ATXN1L: variants seen among roughly 807,000 people sequenced by gnomAD.
The protein encoded by ATXN1L is ataxin-1-like.
A neutral mutation model predicts 43.4 loss-of-function variants in ATXN1L; 8 were observed. The ratio of observed to expected loss-of-function variants is 0.18; its 90% confidence interval spans 0.11 to 0.33. The LOEUF is 0.33. Ranked by LOEUF, ATXN1L falls within the 10% of genes least tolerant of loss-of-function variation. The pLI is 1.00. For synonymous variants in ATXN1L, 379 were observed against 360.6 expected, an observed-to-expected ratio of 1.05 and a Z score of -0.58; for missense variants, 856 against 885.4, an observed-to-expected ratio of 0.97 and a Z score of 0.42.
In ATXN1L at chr16:71,851,853, C is replaced by T. The variant is rs778384117; in HGVS notation, c.*43C>T. The T allele has an allele frequency of 4.1e-5, 56 of 1,377,258 alleles. No homozygotes were observed. Among genetic ancestry groups the T allele is most frequent in the African/African-American group, 3.5e-4 (24 of 68,752 alleles). The allele number at this position is 1,377,258 out of a possible 1,614,324, so 85.3% of individuals were successfully genotyped here. On this transcript the variant is annotated 3_prime_UTR_variant, in exon 3 of 3. Coordinates refer to ENST00000427980, the MANE Select transcript of ATXN1L (RefSeq NM_001137675.4). This position sits in a 1 kb window ranked among gnomAD's most constrained non-coding sequence, Gnocchi z 4.9. The stretch of plus-strand genomic sequence containing the variant: ...GGACTGGGGCTTTACCCCAGAGCCT[C>T]GCCTCGCCGCCGTGAGCAGGCAGAG...
rs532519799 is a variant in ATXN1L at position 71,851,352 on chromosome 16, G to A, written c.1612G>A (p.Glu538Lys). The change falls in exon 3 of 3, where the codon GAA becomes AAA. Residue 538 changes from glutamate (E) to lysine (K), a missense_variant. Coordinates refer to ENST00000427980, the MANE Select transcript of ATXN1L (RefSeq NM_001137675.4). The surrounding 1 kb of genome is among the most constrained non-coding windows in gnomAD (Gnocchi z 4.9). Reference protein sequence around the residue: ...VGEQQSKVSIEVPPEHPFFVY... With the variant: ...VGEQQSKVSIKVPPEHPFFVY... Reference sequence around the variant, plus strand: ...TGAGCAGCAGAGCAAAGTGAGCATCGAAGTGCCCCCCGAGCACCCCTTCTT... The same window carrying A: ...TGAGCAGCAGAGCAAAGTGAGCATCAAAGTGCCCCCCGAGCACCCCTTCTT... 3.2e-6 allele frequency: 5 copies of A among 1,551,640 alleles called. No individual in the cohort carries two copies. Among genetic ancestry groups the A allele is most frequent in the Admixed American group, 2.0e-5 (1 of 51,002 alleles).
At chr16:71,848,215 T>C (rs2033462837) in intron 2 of ATXN1L, 144 bp downstream of exon 2, 1 of 384,684 alleles carries the variant, frequency 2.6e-6, no homozygotes, top group Non-Finnish European at 5.1e-6. Context: ...GCAAAGTTCA[T>C]GTGCACTGAA....
Position 71,852,196 on chromosome 16 carries a change from G to T in ATXN1L, c.*386G>T, listed in dbSNP as rs2033511393. 5.5e-6 allele frequency: 1 copy of T among 181,966 alleles called. No individual in the cohort carries two copies. The highest frequency in any genetic ancestry group is 1.3e-5 in the Non-Finnish European group (1 of 78,594). The allele number at this position is 181,966 out of a possible 1,614,324, so 11.3% of individuals were successfully genotyped here. A position where few individuals can be genotyped will look rare whatever the true frequency, so the allele number is the denominator to read the frequency against. ...GAGTAAAGAAAGAGCCAAAAATGAT[G>T]ATCCACAGCTTATAGTAGCAGTTAA... is the stretch of plus-strand genomic sequence containing the variant. On this transcript the variant is annotated 3_prime_UTR_variant, in exon 3 of 3. Coordinates refer to ENST00000427980, the MANE Select transcript of ATXN1L (RefSeq NM_001137675.4).
At position 71,851,984 on chromosome 16, in the gene ATXN1L, C is replaced by T. The variant is rs1263582883; in HGVS notation, c.*174C>T. ...AGGCAGGATCTGTTGTTCATTACCCCATGGCATCCTTTCAGGACAACCCCA... is the reference window on the plus strand; with the variant it reads ...AGGCAGGATCTGTTGTTCATTACCCTATGGCATCCTTTCAGGACAACCCCA... On this transcript the variant is annotated 3_prime_UTR_variant, in exon 3 of 3. Transcript: ENST00000427980. This position sits in a 1 kb window ranked among gnomAD's most constrained non-coding sequence, Gnocchi z 4.9. 7.2e-6 allele frequency: 5 copies of T among 696,930 alleles called. No individual in the cohort carries two copies. The African/African-American group carries it at 7.3e-5, about 10-fold the overall frequency. The allele number at this position is 696,930 out of a possible 1,614,324, so 43.2% of individuals were successfully genotyped here.
chr16:71,851,242 G>T lies in ATXN1L; in HGVS notation c.1502G>T (p.Gly501Val). 1.3e-6 allele frequency: 2 copies of T among 1,551,688 alleles called. No homozygotes were observed. Among genetic ancestry groups the T allele is most frequent in the South Asian group, 2.4e-5 (2 of 84,060 alleles). The change falls in exon 3 of 3, where the codon GGG (glycine) becomes GTG (valine). Residue 501 changes from glycine to valine, a missense_variant. Transcript: ENST00000427980. The surrounding 1 kb of genome is among the most constrained non-coding windows in gnomAD (Gnocchi z 4.9). ...TTTGTGCGCAGTGCCGAAGTGAGCG[G>T]GGGGCTGAAGATTGACTCTAGCACG... ...QDFVRSAEVS[G>V]GLKIDSSTVV...
In ATXN1L at chr16:71,851,982, C is replaced by G. The variant is rs576801448; in HGVS notation, c.*172C>G. 1.3e-3 allele frequency: 883 copies of G among 697,226 alleles called. 2 individuals are homozygous for G. The highest frequency in any genetic ancestry group is 1.6e-3 in the Non-Finnish European group (756 of 467,230). 43.2% of individuals were successfully genotyped at this position (697,226 alleles called of 1,614,324 possible). On this transcript the variant is annotated 3_prime_UTR_variant, in exon 3 of 3. Transcript: ENST00000427980. The surrounding 1 kb of genome is among the most constrained non-coding windows in gnomAD (Gnocchi z 4.9). Reference sequence around the variant, plus strand: ...CAAGGCAGGATCTGTTGTTCATTACCCCATGGCATCCTTTCAGGACAACCC... The same window carrying G: ...CAAGGCAGGATCTGTTGTTCATTACGCCATGGCATCCTTTCAGGACAACCC...
In ATXN1L at chr16:71,849,797, C is replaced by T. The variant is rs983324177; in HGVS notation, c.57C>T (p.Leu19=). 1 of 1,547,268 alleles carries T rather than the reference C, an allele frequency of 6.5e-7. No individual in the cohort carries two copies. Among genetic ancestry groups the T allele is most frequent in the Non-Finnish European group, 8.7e-7 (1 of 1,144,638 alleles). The change falls in exon 3 of 3, where the codon CTC becomes CTT. Residue 19 remains leucine (L), a synonymous_variant. Coordinates refer to ENST00000427980, the MANE Select transcript of ATXN1L (RefSeq NM_001137675.4). ...QECLPPKKRD[L]PVTSEDMGRT... The stretch of plus-strand genomic sequence containing the variant: ...GCCTTCCACCAAAGAAACGAGACCT[C>T]CCCGTGACCAGCGAGGATATGGGGA...
At chr16:71,849,215 TTAAAA>T (rs1321318293) in intron 2 of ATXN1L, among the ~76,000 whole-genome samples, 6 of 86,058 alleles carry the variant, frequency 7.0e-5, no homozygotes, top group African/African-American at 2.2e-4. Context: ...TCCATGTGTT[TTAAAA>T]AAAAAAAAAA....
At chr16:71,847,369 A>C (rs541245942) in intron 1 of ATXN1L, among the ~76,000 whole-genome samples, 37 of 152,196 alleles carry the variant, frequency 2.4e-4, no homozygotes, top group African/African-American at 8.7e-4. Context: ...AGTTTCTTTC[A>C]TACCTGATTC....
In ATXN1L at chr16:71,850,029, C is replaced by G; in HGVS notation, c.289C>G (p.Leu97Val). 1 of 1,551,676 alleles carries G rather than the reference C, an allele frequency of 6.4e-7. No homozygotes were observed. The highest frequency in any genetic ancestry group is 8.7e-7 in the Non-Finnish European group (1 of 1,146,982). Reference protein sequence around the residue: ...VPPATFSPTGLPSVVNMSPLP... With the variant: ...VPPATFSPTGVPSVVNMSPLP... Reference sequence around the variant, plus strand: ...GCCTGCCACCTTTTCACCAACTGGACTCCCATCTGTGGTGAATATGAGTCC... The same window carrying G: ...GCCTGCCACCTTTTCACCAACTGGAGTCCCATCTGTGGTGAATATGAGTCC... The change falls in exon 3 of 3, where the codon CTC (leucine) becomes GTC (valine). Residue 97 changes from leucine to valine, a missense_variant. Transcript: ENST00000427980.
intron 2 of ATXN1L, 74 bp downstream of exon 2, chr16:71,848,145 G>GAT: frequency 4.5e-6 from 2 of 446,618 alleles, no homozygotes; most frequent in Non-Finnish European, 8.9e-6. Context: ...AGAACAGAAT[G>GAT]TAATATAGAA....
rs2033484852 is a variant in ATXN1L at position 71,850,311 on chromosome 16, G to T, written c.571G>T (p.Ala191Ser). The T allele has an allele frequency of 1.3e-6, 2 of 1,551,448 alleles. No individual in the cohort carries two copies. The change falls in exon 3 of 3, where the codon GCT (alanine) becomes TCT (serine). Residue 191 changes from alanine to serine, a missense_variant. Around this residue, in one of 7 missense-constraint regions of ATXN1L, gnomAD observed 490 missense variants for 449.4 expected, o/e 1.09. Coordinates refer to ENST00000427980, the MANE Select transcript of ATXN1L (RefSeq NM_001137675.4). The stretch of plus-strand genomic sequence containing the variant: ...TGAAGGAGCCACTCCTCCCCCACAG[G>T]CTCCCTCCCCGGCCCACTCATTTAA... The part of the protein sequence containing the change: ...LAEGATPPPQ[A>S]PSPAHSFNKA...
Position 71,850,307 on chromosome 16 carries a change from A to G in ATXN1L, c.567A>G (p.Pro189=). 2.6e-6 allele frequency: 4 copies of G among 1,551,330 alleles called. No individual in the cohort carries two copies. Among genetic ancestry groups the G allele is most frequent in the Non-Finnish European group, 3.5e-6 (4 of 1,146,892 alleles). ...TGGCTGAAGGAGCCACTCCTCCCCC[A>G]CAGGCTCCCTCCCCGGCCCACTCAT... ...SLLAEGATPP[P]QAPSPAHSFN... Residue 189 remains proline (P), a synonymous_variant, in exon 3 of 3, where the codon CCA becomes CCG. Transcript: ENST00000427980.
Position 71,851,070 on chromosome 16 carries a change from G to T in ATXN1L, c.1330G>T (p.Val444Leu). Residue 444 changes from valine (V) to leucine (L), a missense_variant, in exon 3 of 3, where the codon GTG becomes TTG. By Grantham distance (32) the Val-to-Leu change is conservative (BLOSUM62 1). Around this residue, in one of 7 missense-constraint regions of ATXN1L, gnomAD observed 490 missense variants for 449.4 expected, o/e 1.09. Transcript: ENST00000427980. The surrounding 1 kb of genome is among the most constrained non-coding windows in gnomAD (Gnocchi z 4.9). The part of the protein sequence containing the change: ...SEILVASSLD[V>L]QARATFPDKE... ...GATCCTGGTAGCATCAAGTCTGGAC[G>T]TGCAGGCCAGAGCCACCTTCCCAGA... 3.2e-6 allele frequency: 5 copies of T among 1,551,640 alleles called. No homozygotes were observed. The highest frequency in any genetic ancestry group is 4.4e-6 in the Non-Finnish European group (5 of 1,146,962).
At chr16:71,847,884 C>A (rs1299881812) in intron 1 of ATXN1L, 126 bp from the exon 2 acceptor site, 1 of 295,316 alleles carries the variant, frequency 3.4e-6, no homozygotes, top group Non-Finnish European at 7.0e-6. Context: ...GTACTGTTTA[C>A]CTGTGGAGAA....
intron 1 of ATXN1L, 55 bp from the exon 2 acceptor site, chr16:71,847,955 G>C (rs1252978062): frequency 6.6e-6 from 3 of 451,310 alleles, no homozygotes; most frequent in Non-Finnish European, 1.3e-5. Flanking sequence ...TGGTGACCCT[G>C]GGGAGAATTA....
Position 71,852,762 on chromosome 16 carries a change from C to A in ATXN1L, c.*952C>A. The A allele has an allele frequency of 6.0e-6, 1 of 167,354 alleles. No individual in the cohort carries two copies. The allele number at this position is 167,354 out of a possible 1,614,324, so 10.4% of individuals were successfully genotyped here. ...TTGTGCCCAAGTGCCTGCGCCACCC[C>A]CACCCTCCTGCTGCGCTGACCGCTG... is the stretch of plus-strand genomic sequence containing the variant. On this transcript the variant is annotated 3_prime_UTR_variant, in exon 3 of 3. Transcript: ENST00000427980.
At position 71,851,190 on chromosome 16, in the gene ATXN1L, C is replaced by T. The variant is rs2033498500; in HGVS notation, c.1450C>T (p.Arg484Trp). 2.6e-6 allele frequency: 4 copies of T among 1,551,624 alleles called. No individual in the cohort carries two copies. The highest frequency in any genetic ancestry group is 3.5e-6 in the Non-Finnish European group (4 of 1,146,980). ...CCAGCTGGCTACGGGAGAGCTGAAG[C>T]GGGTGGAGGACCTCCAGACCCAGGA... ...IIQLATGELK[R>W]VEDLQTQDFV... Residue 484 changes from arginine to tryptophan, a missense_variant, in exon 3 of 3, where the codon CGG becomes TGG. Coordinates refer to ENST00000427980, the MANE Select transcript of ATXN1L (RefSeq NM_001137675.4). This position sits in a 1 kb window ranked among gnomAD's most constrained non-coding sequence, Gnocchi z 4.9.
chr16:71,853,495 T>C lies in ATXN1L; in HGVS notation c.*1685T>C, dbSNP rs565967513. The C allele has an allele frequency of 6.0e-6, 1 of 167,122 alleles. No individual in the cohort carries two copies. Among genetic ancestry groups the C allele is most frequent in the African/African-American group, 2.4e-5 (1 of 41,438 alleles). 10.4% of individuals were successfully genotyped at this position (167,122 alleles called of 1,614,324 possible). On this transcript the variant is annotated 3_prime_UTR_variant, in exon 3 of 3. Coordinates refer to ENST00000427980, the MANE Select transcript of ATXN1L (RefSeq NM_001137675.4). ...ATCCTGGCATGTCCTTTATAAGGTATACTTGGATTGGCCGAGACCTGGCCT... is the reference window on the plus strand; with the variant it reads ...ATCCTGGCATGTCCTTTATAAGGTACACTTGGATTGGCCGAGACCTGGCCT...
Sources: gnomAD v4.1 joint callset for allele counts (sites outside exome capture counted in the v4.1 genomes callset) on GRCh38, gnomAD v4.1.1 for gene constraint, gnomAD v4.1.1 regional missense constraint, Gnocchi (gnomAD v3.1) non-coding constraint, MANE v1.5 for transcripts, NCBI Gene and HGNC (gene_info 2026-07-23, HGNC 2026-07-21) for gene names.